TIMP2: variants seen among roughly 807,000 people sequenced by gnomAD.
The protein encoded by TIMP2 is TIMP metallopeptidase inhibitor 2.
TIMP2 carries 5 observed loss-of-function variants against 24.3 expected under a neutral mutation model. That is an observed-to-expected ratio of 0.21 (90% CI 0.11 to 0.43). TIMP2 has a LOEUF of 0.43. Among genes scored for constraint, TIMP2 ranks in the 20% least tolerant of loss-of-function variants. The pLI, the probability that TIMP2 is intolerant of heterozygous loss-of-function variation, is 1.00. For synonymous variants in TIMP2, 130 were observed against 123.2 expected, an observed-to-expected ratio of 1.06 and a Z score of -0.37; for missense variants, 221 against 297.5, an observed-to-expected ratio of 0.74 and a Z score of 1.89.
chr17:78,891,252 C>T lies in TIMP2; in HGVS notation c.131-17333G>A, dbSNP rs879009541. ...AACGTTTTCAAGTCGGTCTTGGACGCTGCCTGCTGCGCCTCCTCCTCTGCT... is the reference window on the plus strand; with the variant it reads ...AACGTTTTCAAGTCGGTCTTGGACGTTGCCTGCTGCGCCTCCTCCTCTGCT... On this transcript the variant is annotated intron_variant, in intron 1 of 4. Transcript: ENST00000262768. The surrounding 1 kb of genome is among the most constrained non-coding windows in gnomAD (Gnocchi z 4.5). 1.9e-6 allele frequency: 3 copies of T among 1,550,542 alleles called. No homozygotes were observed. The Admixed American group carries it at 5.9e-5, about 30-fold the overall frequency.
chr17:78,895,150 A>G (rs1234439333), intron 1 of TIMP2, among the ~76,000 whole-genome samples: 1 of 152,068 alleles, frequency 6.6e-6, no homozygotes, highest in African/African-American at 2.4e-5. Flanking sequence ...GTGTGGTGGT[A>G]CGCACCTATA....
At chr17:78,902,746 C>G (rs947148432) in intron 1 of TIMP2, 9 of 152,244 alleles carry the variant, frequency 5.9e-5, no homozygotes, top group Admixed American at 5.9e-4. Context: ...ACTAAACATA[C>G]CTCGACAGCG....
At chr17:78,881,526 GA>G (rs1212030256) in intron 1 of TIMP2, among the ~76,000 whole-genome samples, 2 of 152,262 alleles carry the variant, frequency 1.3e-5, no homozygotes, top group African/African-American at 2.4e-5. Context: ...AGCCCTGGAG[GA>G]CTCCACACTG....
At chr17:78,877,462 T>C (rs2145757919) in intron 1 of TIMP2, among the ~76,000 whole-genome samples, 1 of 151,906 alleles carries the variant, frequency 6.6e-6, no homozygotes, top group East Asian at 2.0e-4. Flanking sequence ...GGCAGGAGAA[T>C]CGCTTGAACC....
rs879179049 is a variant in TIMP2, at chr17:78,891,920, C to T, written c.131-18001G>A. On this transcript the variant is annotated intron_variant, in intron 1 of 4. Coordinates refer to ENST00000262768, the MANE Select transcript of TIMP2 (RefSeq NM_003255.5). This position sits in a 1 kb window ranked among gnomAD's most constrained non-coding sequence, Gnocchi z 4.5. Reference sequence around the variant, plus strand: ...TTTCTCTGGACTCGCTGCTGTCTTCCGGGGCCTGGAGTGCCTGGGGTGTTG... The same window carrying T: ...TTTCTCTGGACTCGCTGCTGTCTTCTGGGGCCTGGAGTGCCTGGGGTGTTG... 46 of 1,550,558 alleles carry T rather than the reference C, an allele frequency of 3.0e-5. No individual in the cohort carries two copies. The highest frequency in any genetic ancestry group is 2.2e-4 in the Admixed American group (11 of 51,002).
At chr17:78,910,333 C>T (rs567374584) in intron 1 of TIMP2, among the ~76,000 whole-genome samples, 26 of 152,160 alleles carry the variant, frequency 1.7e-4, no homozygotes, top group African/African-American at 5.8e-4. Flanking sequence ...ACTGGGATCA[C>T]AGGTACACAC....
intron 1 of TIMP2, among the ~76,000 whole-genome samples, chr17:78,893,381 G>A (rs1385983045): frequency 7.0e-6 from 1 of 142,924 alleles, no homozygotes; most frequent in Non-Finnish European, 1.5e-5. Flanking sequence ...AGGAGTGTGT[G>A]TGCAGGGGTG....
At chr17:78,922,635 T>C (rs981026199) in intron 1 of TIMP2, among the ~76,000 whole-genome samples, 1 of 152,074 alleles carries the variant, frequency 6.6e-6, no homozygotes, top group Non-Finnish European at 1.5e-5. Context: ...CTGGCCAACA[T>C]GGCGAATTCC....
At chr17:78,902,390 G>A (rs2070108440) in intron 1 of TIMP2, among the ~76,000 whole-genome samples, 1 of 152,244 alleles carries the variant, frequency 6.6e-6, no homozygotes, top group East Asian at 1.9e-4. Context: ...TTCCAGGCAT[G>A]AGCCACCATG....
chr17:78,893,416 G>GAGGTATGTGTGCGTA (rs2084700517), intron 1 of TIMP2, among the ~76,000 whole-genome samples: 1 of 112,348 alleles, frequency 8.9e-6, no homozygotes, highest in African/African-American at 5.0e-5. Flanking sequence ...TGTGTGCATA[G>GAGGTATGTGTGCGTA]GGGTGTGTGT....
At chr17:78,868,609 G>A (rs1259761400) in intron 3 of TIMP2, among the ~76,000 whole-genome samples, 1 of 152,088 alleles carries the variant, frequency 6.6e-6, no homozygotes, top group African/African-American at 2.4e-5. Context: ...AGGGAGGAGG[G>A]GAATAATGTT....
At chr17:78,870,421 A>AAAAG (rs374853871) in intron 3 of TIMP2, among the ~76,000 whole-genome samples, 1,740 of 68,472 alleles carry the variant, frequency 0.025, 56 homozygotes, top group Middle Eastern at 0.073. Context: ...GTCTCAAAAA[A>AAAAG]AAAGAAAGAA....
rs991233211 is a variant in TIMP2, at chr17:78,853,130, AAC to A, written c.*2535_*2536del. The A allele has an allele frequency of 6.6e-6, 1 of 152,594 alleles. No individual in the cohort carries two copies. Among genetic ancestry groups the A allele is most frequent in the Non-Finnish European group, 1.5e-5 (1 of 68,038 alleles). The allele number at this position is 152,594 out of a possible 1,614,324, so 9.5% of individuals were successfully genotyped here. A position where few individuals can be genotyped will look rare whatever the true frequency, so the allele number is the denominator to read the frequency against. On this transcript the variant is annotated 3_prime_UTR_variant, in exon 5 of 5. Transcript: ENST00000262768. ...GTCTCAGACTTCATATTCCAGCATA[AAC>A]ACAGTGCTCCCCTCCCCCAAAAATC...
rs2069996608 is a variant in TIMP2 at position 78,896,172 on chromosome 17, T to C, written c.131-22253A>G. On this transcript the variant is annotated intron_variant, in intron 1 of 4. Coordinates refer to ENST00000262768, the MANE Select transcript of TIMP2 (RefSeq NM_003255.5). The surrounding 1 kb of genome is among the most constrained non-coding windows in gnomAD (Gnocchi z 4.4). ...TCCCCGCTACCCCAGCTCTCCTTGCTCTCCCCTCTGAGACCCTCCCCACTT... is the reference window on the plus strand; with the variant it reads ...TCCCCGCTACCCCAGCTCTCCTTGCCCTCCCCTCTGAGACCCTCCCCACTT... Among the ~76,000 whole-genome samples the C allele has an allele frequency of 6.6e-6, 1 of 152,192 alleles. No homozygotes were observed. Among genetic ancestry groups the C allele is most frequent in the Admixed American group, 6.5e-5 (1 of 15,286 alleles).
At chr17:78,869,805 ACT>A (rs1384588927) in intron 3 of TIMP2, among the ~76,000 whole-genome samples, 1 of 152,212 alleles carries the variant, frequency 6.6e-6, no homozygotes, top group Admixed American at 6.5e-5. Context: ...ATAGAGCGAG[ACT>A]CTGTCTCAAA....
At chr17:78,878,207 T>C (rs563105303) in intron 1 of TIMP2, among the ~76,000 whole-genome samples, 2 of 152,326 alleles carry the variant, frequency 1.3e-5, no homozygotes, top group East Asian at 3.9e-4. Flanking sequence ...AGCTGGGCAC[T>C]TATTTGAAGG....
intron 4 of TIMP2, chr17:78,856,714 G>A (rs756234343): frequency 4.6e-5 from 7 of 152,348 alleles, no homozygotes; most frequent in South Asian, 2.1e-4. Context: ...CACAACCTCC[G>A]GGCTCATTTT....
chr17:78,888,761 G>C (rs1401718679), intron 1 of TIMP2, among the ~76,000 whole-genome samples: 1 of 152,216 alleles, frequency 6.6e-6, no homozygotes, highest in African/African-American at 2.4e-5. Context: ...TGTCCAAGGA[G>C]GCAGCAGGGG....
At chr17:78,915,327 C>T (rs1015742020) in intron 1 of TIMP2, among the ~76,000 whole-genome samples, 3 of 152,282 alleles carry the variant, frequency 2.0e-5, no homozygotes, top group Admixed American at 2.0e-4. Context: ...TAGCTTATCT[C>T]CAGCAGACAG....
Sources: allele counts gnomAD v4.1 joint callset (sites outside exome capture counted in the v4.1 genomes callset), GRCh38; gene constraint gnomAD v4.1.1; non-coding constraint Gnocchi (gnomAD v3.1); transcripts MANE v1.5; gene names NCBI Gene and HGNC (gene_info 2026-07-23, HGNC 2026-07-21).